GRHL2: variants seen among roughly 807,000 people sequenced by gnomAD.
GRHL2 encodes the protein grainyhead-like protein 2 homolog.
GRHL2 carries 21 observed loss-of-function variants against 83.8 expected under a neutral mutation model. That is an observed-to-expected ratio of 0.25 (90% CI 0.18 to 0.36). GRHL2 has a LOEUF of 0.36. Among genes scored for constraint, GRHL2 ranks in the 10% least tolerant of loss-of-function variants. GRHL2 has a pLI of 1.00. For synonymous variants in GRHL2, 280 were observed against 278.9 expected (o/e 1.00, Z -0.04); for missense variants, 623 against 781.8 (o/e 0.80, Z 2.42).
At chr8:101,573,904 T>A in intron 6 of GRHL2, 80 bp downstream of exon 6, 1 of 1,501,792 alleles carries the variant, frequency 6.7e-7, no homozygotes, top group Non-Finnish European at 9.2e-7. Flanking sequence ...TGGAATGGCA[T>A]GGAAAAAAAA....
In GRHL2 at chr8:101,614,152, G is replaced by A. The variant is rs1055533822; in HGVS notation, c.1099-5387G>A. On this transcript the variant is annotated intron_variant, in intron 8 of 15. Coordinates refer to ENST00000646743, the MANE Select transcript of GRHL2 (RefSeq NM_024915.4). ...TACTGTATGCATAATGTACAACTGA[G>A]GGGTATTATAATTTCAGCAAAGTCA... is the stretch of plus-strand genomic sequence containing the variant. 1.8e-4 allele frequency among the ~76,000 whole-genome samples: 27 copies of A among 151,004 alleles called. 2 individuals carry two copies. The highest frequency in any genetic ancestry group is 6.7e-4 in the African/African-American group (27 of 40,476).
At chr8:101,670,493 G>T (rs771905503), downstream of GRHL2, among the ~76,000 whole-genome samples, 1 of 152,260 alleles carries the variant, frequency 6.6e-6, no homozygotes, top group Non-Finnish European at 1.5e-5. Flanking sequence ...GGACTGGGAA[G>T]TGAGGGCATG....
At chr8:101,566,847 T>A (rs1811730098) in intron 4 of GRHL2, among the ~76,000 whole-genome samples, 1 of 151,922 alleles carries the variant, frequency 6.6e-6, no homozygotes. Context: ...GCACACAGTT[T>A]GTAGTTTTTA....
rs143086562 is a variant in GRHL2 at position 101,572,904 on chromosome 8, T to A, written c.735-764T>A. On this transcript the variant is annotated intron_variant, in intron 5 of 15. Coordinates refer to ENST00000646743, the MANE Select transcript of GRHL2 (RefSeq NM_024915.4). ...AGTAAGAATTTTAGGTTTGGCAGGCTATCGTCTCTACCACAACGACTCAAC... is the reference window on the plus strand; with the variant it reads ...AGTAAGAATTTTAGGTTTGGCAGGCAATCGTCTCTACCACAACGACTCAAC... Among the ~76,000 whole-genome samples the A allele has an allele frequency of 2.4e-3, 365 of 152,372 alleles. 6 individuals are homozygous for A. The highest frequency in any genetic ancestry group is 8.2e-3 in the African/African-American group (339 of 41,586).
At chr8:101,605,828 A>G (rs910111402) in intron 8 of GRHL2, among the ~76,000 whole-genome samples, 1 of 152,174 alleles carries the variant, frequency 6.6e-6, no homozygotes, top group South Asian at 2.1e-4. Flanking sequence ...GCATGCTTTC[A>G]ATTACAGTGC....
intron 1 of GRHL2, among the ~76,000 whole-genome samples, chr8:101,524,331 C>T (rs968087692): frequency 2.0e-5 from 3 of 152,148 alleles, no homozygotes; most frequent in African/African-American, 7.2e-5. Flanking sequence ...TCTGTCAAGT[C>T]TTTACTTCGT....
intron 13 of GRHL2, among the ~76,000 whole-genome samples, chr8:101,648,636 C>T (rs1217953587): frequency 3.3e-5 from 5 of 152,182 alleles, no homozygotes; most frequent in Non-Finnish European, 5.9e-5. Flanking sequence ...TGGGGTCAAA[C>T]CCAGCCCCGT....
At chr8:101,545,623 C>T (rs1253226705) in intron 2 of GRHL2, among the ~76,000 whole-genome samples, 1 of 151,776 alleles carries the variant, frequency 6.6e-6, no homozygotes, top group African/African-American at 2.4e-5. Flanking sequence ...TGAAAATTTT[C>T]AAAATGTATT....
chr8:101,556,168 G>A (rs1173640141), intron 3 of GRHL2, among the ~76,000 whole-genome samples: 1 of 152,100 alleles, frequency 6.6e-6, no homozygotes, highest in African/African-American at 2.4e-5. Flanking sequence ...TGGTGGTCAG[G>A]CTAGTCTCGA....
chr8:101,553,701 C>T, intron 3 of GRHL2, among the ~76,000 whole-genome samples: 1 of 148,178 alleles, frequency 6.7e-6, no homozygotes, highest in East Asian at 2.0e-4. Context: ...CATCTTGGCT[C>T]ACTGTAATCT....
chr8:101,608,943 C>T (rs1054163355), intron 8 of GRHL2, among the ~76,000 whole-genome samples: 1 of 149,956 alleles, frequency 6.7e-6, no homozygotes, highest in African/African-American at 2.5e-5. Flanking sequence ...AAGGGGGTGT[C>T]CAAAGGTGCA....
intron 2 of GRHL2, among the ~76,000 whole-genome samples, chr8:101,545,474 T>G: frequency 9.1e-6 from 1 of 110,104 alleles, no homozygotes; most frequent in Admixed American, 9.7e-5. Context: ...AAAAAAAAAG[T>G]CTGAAAACCA....
At chr8:101,656,903 CACA>C (rs1230102817) in intron 14 of GRHL2, among the ~76,000 whole-genome samples, 4 of 143,824 alleles carry the variant, frequency 2.8e-5, no homozygotes, top group African/African-American at 5.0e-5. Flanking sequence ...CACACACACA[CACA>C]GGCAATGACC....
At chr8:101,661,471 TG>T (rs1813919711) in intron 14 of GRHL2, among the ~76,000 whole-genome samples, 1 of 152,188 alleles carries the variant, frequency 6.6e-6, no homozygotes, top group African/African-American at 2.4e-5. Flanking sequence ...CATAGATATT[TG>T]CCTGTAACAC....
Position 101,669,248 on chromosome 8 carries a change from T to TTTTTC in GRHL2, c.*2549_*2550insCTTTT, listed in dbSNP as rs1814150753. ...GATCATGGACATGTGAAATGAGCAT[T>TTTTTC]TTTTTCTTTTTTTTTTTTAACAAAG... On this transcript the variant is annotated 3_prime_UTR_variant, in exon 16 of 16. Transcript: ENST00000646743. 2.2e-5 allele frequency: 2 copies of TTTTTC among 88,958 alleles called. No homozygotes were observed. The highest frequency in any genetic ancestry group is 1.1e-4 in the African/African-American group (2 of 18,842). The allele number at this position is 88,958 out of a possible 1,614,324, so 5.5% of individuals were successfully genotyped here. A position where few individuals can be genotyped will look rare whatever the true frequency, so the allele number is the denominator to read the frequency against.
intron 1 of GRHL2, among the ~76,000 whole-genome samples, chr8:101,508,700 C>T (rs1024368442): frequency 2.0e-5 from 3 of 151,992 alleles, no homozygotes; most frequent in East Asian, 3.9e-4. Context: ...AGGGTGAGTT[C>T]GGGATGAGTT....
At chr8:101,505,439 T>C (rs1446675559) in intron 1 of GRHL2, among the ~76,000 whole-genome samples, 1 of 151,862 alleles carries the variant, frequency 6.6e-6, no homozygotes, top group African/African-American at 2.4e-5. Flanking sequence ...TAGCCGGATG[T>C]GGTGGTCCAT....
intron 1 of GRHL2, among the ~76,000 whole-genome samples, chr8:101,511,203 T>G (rs1387211262): frequency 1.3e-5 from 2 of 152,222 alleles, no homozygotes; most frequent in Non-Finnish European, 2.9e-5. Context: ...TACAGTCACT[T>G]CATTTTTTGG....
chr8:101,629,323 T>C (rs1398558293), intron 9 of GRHL2, among the ~76,000 whole-genome samples: 2 of 151,692 alleles, frequency 1.3e-5, no homozygotes, highest in African/African-American at 2.4e-5. Context: ...TTTTTAGCAA[T>C]GAAGTATTTT....
Sources: allele counts gnomAD v4.1 joint callset (sites outside exome capture counted in the v4.1 genomes callset), GRCh38; gene constraint gnomAD v4.1.1; transcripts MANE v1.5; gene names NCBI Gene and HGNC (gene_info 2026-07-23, HGNC 2026-07-21).